The following TASP1 variants were observed in gnomAD, a reference collection of about 807,000 sequenced individuals.
TASP1 encodes the protein taspase 1, also known as threonine aspartase 1.
Under a neutral mutation model 56.6 loss-of-function variants are expected in TASP1, and 16 were observed. That is an observed-to-expected ratio of 0.28 (90% CI 0.19 to 0.43). The LOEUF is 0.43. Among genes scored for constraint, TASP1 ranks in the 20% least tolerant of loss-of-function variants. The pLI is 1.00. For synonymous variants in TASP1, 179 were observed against 184.2 expected (o/e 0.97, Z 0.23); for missense variants, 393 against 511.6 (o/e 0.77, Z 2.24).
intron 13 of TASP1, among the ~76,000 whole-genome samples, chr20:13,405,238 G>A (rs1196518654): frequency 1.3e-5 from 2 of 152,200 alleles, no homozygotes; most frequent in Non-Finnish European, 2.9e-5. Flanking sequence ...GGTAATACTT[G>A]AAGGCCAAGA....
the TASP1 span, among the ~76,000 whole-genome samples, chr20:13,194,959 G>A: frequency 3.2e-4 from 48 of 152,088 alleles, no homozygotes; most frequent in Middle Eastern, 3.4e-3. Context: ...GAGGGGGTGC[G>A]CCTGGGGTGC....
intron 11 of TASP1, among the ~76,000 whole-genome samples, chr20:13,460,219 G>A (rs945792107): frequency 4.6e-5 from 7 of 152,094 alleles, no homozygotes; most frequent in Non-Finnish European, 8.8e-5. Flanking sequence ...ACTGCTCATC[G>A]GAAGAGTCTG....
At chr20:13,539,761 G>A (rs1427061868) in intron 8 of TASP1, among the ~76,000 whole-genome samples, 4 of 152,140 alleles carry the variant, frequency 2.6e-5, no homozygotes, top group Admixed American at 2.6e-4. Context: ...GATAGCAAAG[G>A]ACGATGTTTT....
chr20:13,541,486 A>C lies in TASP1; in HGVS notation c.676-7345T>G, dbSNP rs746988485. ...ACACTACAACCTGTCCTCCTTCTGC[A>C]TCCTCCCTACCATCCACACACAAGC... On this transcript the variant is annotated intron_variant, in intron 8 of 13. Coordinates refer to ENST00000337743, the MANE Select transcript of TASP1 (RefSeq NM_017714.3). Among the ~76,000 whole-genome samples, 32 of 152,120 alleles carry C rather than the reference A, an allele frequency of 2.1e-4. 1 individual carries two copies. The highest frequency in any genetic ancestry group is 5.9e-5 in the Non-Finnish European group (4 of 68,014).
chr20:13,293,736 G>A, the TASP1 span, among the ~76,000 whole-genome samples: 7 of 152,202 alleles, frequency 4.6e-5, no homozygotes, highest in Admixed American at 1.3e-4. Flanking sequence ...CACTTTGGGA[G>A]GCTGAGGCGG....
the TASP1 span, among the ~76,000 whole-genome samples, chr20:13,350,250 G>A: frequency 3.3e-3 from 497 of 152,080 alleles, 1 homozygote; most frequent in East Asian, 0.01. Flanking sequence ...CTAAATAAAC[G>A]GAGAGACATA....
At chr20:13,131,488 A>G in the TASP1 span, among the ~76,000 whole-genome samples, 4 of 152,204 alleles carry the variant, frequency 2.6e-5, no homozygotes, top group Non-Finnish European at 5.9e-5. Flanking sequence ...TAAACACTCA[A>G]TAAAGTCATA....
intron 4 of TASP1, among the ~76,000 whole-genome samples, chr20:13,596,039 G>A (rs994243819): frequency 6.6e-6 from 1 of 152,186 alleles, no homozygotes; most frequent in Admixed American, 6.5e-5. Flanking sequence ...TCAGACCACA[G>A]TGCAATCAAA....
chr20:13,467,496 G>C (rs1456269249), intron 11 of TASP1, among the ~76,000 whole-genome samples: 2 of 151,418 alleles, frequency 1.3e-5, no homozygotes, highest in East Asian at 3.9e-4. Context: ...GACCAAAGGA[G>C]CTAATTTTTA....
chr20:13,559,020 T>C lies in TASP1; in HGVS notation c.663A>G (p.Gln221=). 2 of 1,587,670 alleles carry C rather than the reference T, an allele frequency of 1.3e-6. No homozygotes were observed. Among genetic ancestry groups the C allele is most frequent in the Non-Finnish European group, 1.7e-6 (2 of 1,166,596 alleles). ...AACACCACCTGACCTTCTCACTTGATTGTCTTCTTTTCTTTAGTTGCATAA... is the reference window on the plus strand; with the variant it reads ...AACACCACCTGACCTTCTCACTTGACTGTCTTCTTTTCTTTAGTTGCATAA... ...TDFMQLKKRR[Q]SSEKENDSGT... The change falls in exon 8 of 14, where the codon CAA becomes CAG. Residue 221 remains glutamine, a synonymous_variant. Transcript: ENST00000337743.
chr20:13,534,948 T>C (rs1251242180), intron 8 of TASP1, among the ~76,000 whole-genome samples: 3 of 152,092 alleles, frequency 2.0e-5, no homozygotes, highest in Non-Finnish European at 4.4e-5. Context: ...AGAAGTCTCA[T>C]ATATTAAAAA....
chr20:13,410,854 G>T (rs917346444), intron 13 of TASP1, among the ~76,000 whole-genome samples: 3 of 151,924 alleles, frequency 2.0e-5, no homozygotes, highest in Non-Finnish European at 4.4e-5. Context: ...TGTCTCTTTT[G>T]GGATTTTTTG....
At chr20:13,549,190 A>G (rs1041528500) in intron 8 of TASP1, among the ~76,000 whole-genome samples, 1 of 152,144 alleles carries the variant, frequency 6.6e-6, no homozygotes, top group South Asian at 2.1e-4. Flanking sequence ...GACCCTTTAT[A>G]CACTGTCTCT....
At chr20:13,554,200 T>G (rs936750134) in intron 8 of TASP1, among the ~76,000 whole-genome samples, 13 of 152,118 alleles carry the variant, frequency 8.5e-5, no homozygotes, top group African/African-American at 2.9e-4. Flanking sequence ...CCTAGCATCA[T>G]CAGAAACCTA....
At chr20:13,497,503 G>C (rs2043776380) in intron 10 of TASP1, among the ~76,000 whole-genome samples, 1 of 152,196 alleles carries the variant, frequency 6.6e-6, no homozygotes, top group Admixed American at 6.5e-5. Context: ...GAGAAAGAGA[G>C]AAATTCCCCC....
intron 11 of TASP1, among the ~76,000 whole-genome samples, chr20:13,464,179 A>G (rs1000771450): frequency 1.3e-5 from 2 of 152,176 alleles, no homozygotes; most frequent in South Asian, 4.1e-4. Flanking sequence ...ATATAGCTGT[A>G]TTGGAGACAG....
At chr20:13,602,756 C>G (rs1183408724) in intron 4 of TASP1, among the ~76,000 whole-genome samples, 1 of 152,114 alleles carries the variant, frequency 6.6e-6, no homozygotes, top group Non-Finnish European at 1.5e-5. Context: ...ACTGATCTGA[C>G]AGGAAGCAGA....
At chr20:13,267,907 GC>G in the TASP1 span, among the ~76,000 whole-genome samples, 1 of 152,102 alleles carries the variant, frequency 6.6e-6, no homozygotes, top group African/African-American at 2.4e-5. Context: ...CAAATTCTGG[GC>G]CCCTTCCAAG....
chr20:13,584,683 C>T (rs911572913), intron 5 of TASP1, among the ~76,000 whole-genome samples: 1 of 152,116 alleles, frequency 6.6e-6, no homozygotes, highest in Non-Finnish European at 1.5e-5. Context: ...CTGGGCCATA[C>T]AGCAAGTCTC....
Sources: gnomAD v4.1 joint callset for allele counts (sites outside exome capture counted in the v4.1 genomes callset) on GRCh38, gnomAD v4.1.1 for gene constraint, MANE v1.5 for transcripts, NCBI Gene and HGNC (gene_info 2026-07-23, HGNC 2026-07-21) for gene names.